PTPRN2: variants seen among roughly 807,000 people sequenced by gnomAD.
The protein encoded by PTPRN2 is protein tyrosine phosphatase receptor type N2, also known as receptor-type tyrosine-protein phosphatase N2.
A neutral mutation model predicts 118.8 loss-of-function variants in PTPRN2; 74 were observed. That is an observed-to-expected ratio of 0.62 (90% CI 0.52 to 0.76). PTPRN2 has a LOEUF of 0.76. PTPRN2 is among the 30% of genes least tolerant of loss of function. The pLI, the probability that PTPRN2 is intolerant of heterozygous loss-of-function variation, is 0.00. For missense variants in PTPRN2, 1,481 were observed against 1,394.4 expected (o/e 1.06, Z -0.99); for synonymous variants, 641 against 608.0 (o/e 1.05, Z -0.80).
intron 10 of PTPRN2, among the ~76,000 whole-genome samples, chr7:158,081,985 TA>T (rs149361902): frequency 0.021 from 3,194 of 152,286 alleles, 110 homozygotes; most frequent in African/African-American, 0.073. Flanking sequence ...AGAAACTGAT[TA>T]TTGTGCCTAC....
intron 1 of PTPRN2, among the ~76,000 whole-genome samples, chr7:158,501,066 T>G (rs1822325400): frequency 6.6e-6 from 1 of 152,370 alleles, no homozygotes; most frequent in South Asian, 2.1e-4. Flanking sequence ...AGGGCGCCCT[T>G]CCGGTAATGG....
chr7:157,762,083 G>A (rs1802166069), intron 12 of PTPRN2, among the ~76,000 whole-genome samples: 1 of 151,952 alleles, frequency 6.6e-6, no homozygotes, highest in Admixed American at 6.6e-5. Flanking sequence ...TCATTAAAAA[G>A]TCAGGAAACA....
chr7:157,788,756 C>T (rs1232997550), intron 12 of PTPRN2, among the ~76,000 whole-genome samples: 2 of 152,316 alleles, frequency 1.3e-5, no homozygotes, highest in East Asian at 1.9e-4. Context: ...CGGGAGGCCT[C>T]GGGGGCCACA....
At chr7:157,667,750 C>A (rs1198270269) in intron 13 of PTPRN2, among the ~76,000 whole-genome samples, 1 of 152,276 alleles carries the variant, frequency 6.6e-6, no homozygotes, top group Non-Finnish European at 1.5e-5. Context: ...ACACCCTCCC[C>A]ACGGGGCAGC....
In PTPRN2 at chr7:158,003,673, C is replaced by T. The variant is rs965543759; in HGVS notation, c.1723+77625G>A. ...CCTGTGGGGCTTCACCGTGGCCACC[C>T]GAGCTGACTGACAGGGGTGGGGAAG... is the stretch of plus-strand genomic sequence containing the variant. On this transcript the variant is annotated intron_variant, in intron 11 of 22. Transcript: ENST00000389418. This position sits in a 1 kb window ranked among gnomAD's most constrained non-coding sequence, Gnocchi z 5.0. Among the ~76,000 whole-genome samples, 27 of 151,900 alleles carry T rather than the reference C, an allele frequency of 1.8e-4. No individual in the cohort carries two copies. The highest frequency in any genetic ancestry group is 3.8e-4 in the Non-Finnish European group (26 of 67,954).
At chr7:157,666,824 G>C (rs1796158708) in intron 13 of PTPRN2, among the ~76,000 whole-genome samples, 1 of 152,224 alleles carries the variant, frequency 6.6e-6, no homozygotes, top group African/African-American at 2.4e-5. Context: ...TCAGGTGGGT[G>C]CAACAAGTAC....
chr7:157,824,789 G>C (rs1807066085), intron 12 of PTPRN2, among the ~76,000 whole-genome samples: 1 of 152,224 alleles, frequency 6.6e-6, no homozygotes, highest in African/African-American at 2.4e-5. Context: ...TACTTGGGCA[G>C]AAGGCAACAC....
At chr7:158,169,557 A>T (rs1276451417) in intron 5 of PTPRN2, among the ~76,000 whole-genome samples, 1 of 151,862 alleles carries the variant, frequency 6.6e-6, no homozygotes, top group Non-Finnish European at 1.5e-5. Context: ...CTGGGATTAC[A>T]GGCGTGAGCC....
chr7:158,310,882 G>A (rs13234905), intron 3 of PTPRN2, among the ~76,000 whole-genome samples: 1 of 148,158 alleles, frequency 6.7e-6, no homozygotes, highest in African/African-American at 2.5e-5. Flanking sequence ...GACAGAGCGC[G>A]AGTCACACGG....
intron 2 of PTPRN2, among the ~76,000 whole-genome samples, chr7:158,326,725 TAC>T (rs1052712772): frequency 1.4e-5 from 2 of 146,508 alleles, no homozygotes; most frequent in Admixed American, 6.8e-5. Flanking sequence ...CTCACATGCA[TAC>T]ATTCTCACAC....
intron 2 of PTPRN2, among the ~76,000 whole-genome samples, chr7:158,340,634 T>C (rs1262516657): frequency 9.5e-6 from 1 of 105,352 alleles, no homozygotes; most frequent in African/African-American, 3.5e-5. Flanking sequence ...ACTCACACTC[T>C]AGCCATAAGA....
chr7:158,396,080 C>A (rs1812471718), intron 2 of PTPRN2, among the ~76,000 whole-genome samples: 1 of 152,168 alleles, frequency 6.6e-6, no homozygotes, highest in East Asian at 1.9e-4. Flanking sequence ...CCTCCCCAAC[C>A]AGAGACCAAG....
chr7:158,318,731 C>T lies in PTPRN2; in HGVS notation c.164-1799G>A, dbSNP rs117933640. Among the ~76,000 whole-genome samples the T allele has an allele frequency of 1.2e-3, 179 of 152,350 alleles. 7 individuals are homozygous for T. In the East Asian group the frequency reaches 0.029, roughly 24 times the overall value. On this transcript the variant is annotated intron_variant, in intron 2 of 22. Transcript: ENST00000389418. ...CTGCCTGCAGCTCCCCGGCCTCTTG[C>T]GCACATTGGAAAATGCACCCCCGGG...
intron 3 of PTPRN2, among the ~76,000 whole-genome samples, chr7:158,271,711 G>C (rs796930032): frequency 7.9e-5 from 12 of 152,338 alleles, no homozygotes; most frequent in African/African-American, 2.9e-4. Context: ...CAGTTCTGGA[G>C]ATACCCACAG....
intron 6 of PTPRN2, among the ~76,000 whole-genome samples, chr7:158,150,166 T>A (rs982482699): frequency 6.6e-5 from 10 of 152,216 alleles, no homozygotes; most frequent in African/African-American, 2.2e-4. Flanking sequence ...AGGCTCCTGT[T>A]GCCTCAAGCG....
intron 2 of PTPRN2, among the ~76,000 whole-genome samples, chr7:158,425,844 G>A (rs1267263144): frequency 4.8e-5 from 6 of 126,146 alleles, no homozygotes; most frequent in Admixed American, 7.6e-5. Flanking sequence ...TGAGGCCTGC[G>A]CACCGCCGGG....
At chr7:158,326,591 C>A (rs1803547414) in intron 2 of PTPRN2, among the ~76,000 whole-genome samples, 1 of 151,926 alleles carries the variant, frequency 6.6e-6, no homozygotes, top group Non-Finnish European at 1.5e-5. Flanking sequence ...CTCACACATG[C>A]TCTCACAGGC....
At chr7:157,691,029 C>A (rs2150833464) in intron 12 of PTPRN2, among the ~76,000 whole-genome samples, 1 of 140,582 alleles carries the variant, frequency 7.1e-6, no homozygotes, top group African/African-American at 2.6e-5. Context: ...CCGGCGGCGG[C>A]GCGGCTCGCG....
In PTPRN2 at chr7:158,003,614, C is replaced by A. The variant is rs1006407560; in HGVS notation, c.1723+77684G>T. Among the ~76,000 whole-genome samples the A allele has an allele frequency of 1.3e-5, 2 of 152,054 alleles. No individual in the cohort carries two copies. Among genetic ancestry groups the A allele is most frequent in the African/African-American group, 4.8e-5 (2 of 41,416 alleles). On this transcript the variant is annotated intron_variant, in intron 11 of 22. Coordinates refer to ENST00000389418, the MANE Select transcript of PTPRN2 (RefSeq NM_002847.5). This position sits in a 1 kb window ranked among gnomAD's most constrained non-coding sequence, Gnocchi z 5.0. ...TGCCCACAGGCGTCCCAGACCCAGG[C>A]CTTGGGGACTGCAGAGGATGGATGT...
Sources: gnomAD v4.1 joint callset for allele counts (sites outside exome capture counted in the v4.1 genomes callset) on GRCh38, gnomAD v4.1.1 for gene constraint, Gnocchi (gnomAD v3.1) non-coding constraint, MANE v1.5 for transcripts, NCBI Gene and HGNC (gene_info 2026-07-23, HGNC 2026-07-21) for gene names.